MACROD2: variants seen among roughly 807,000 people sequenced by gnomAD.
MACROD2 encodes the protein ADP-ribose glycohydrolase MACROD2.
Under a neutral mutation model 70.4 loss-of-function variants are expected in MACROD2, and 36 were observed. That is an observed-to-expected ratio of 0.51 (90% CI 0.39 to 0.68). The LOEUF (loss-of-function observed/expected upper bound fraction) is 0.68. Among genes scored for constraint, MACROD2 ranks in the 30% least tolerant of loss-of-function variants. The probability of loss-of-function intolerance (pLI) is 0.00; values close to 1 mark genes in which losing one functional copy is unlikely to be tolerated. For synonymous variants in MACROD2, 172 were observed against 178.8 expected (o/e 0.96, Z 0.30); for missense variants, 496 against 538.4 (o/e 0.92, Z 0.78).
chr20:15,259,510 A>AT (rs1329038577), intron 6 of MACROD2, among the ~76,000 whole-genome samples: 1 of 151,984 alleles, frequency 6.6e-6, no homozygotes, highest in Non-Finnish European at 1.5e-5. Flanking sequence ...TGTTGTGGTG[A>AT]TGGTTTTTTT....
intron 4 of MACROD2, among the ~76,000 whole-genome samples, chr20:14,629,944 T>A (rs1474403988): frequency 8.8e-5 from 13 of 148,056 alleles, no homozygotes; most frequent in Non-Finnish European, 1.2e-4. Flanking sequence ...GATCCTATTA[T>A]GTGCTAAGGT....
At chr20:15,179,824 T>A (rs2076487991) in intron 5 of MACROD2, among the ~76,000 whole-genome samples, 1 of 152,222 alleles carries the variant, frequency 6.6e-6, no homozygotes, top group Admixed American at 6.5e-5. Flanking sequence ...ATTGGACAAT[T>A]TAAAGATTCC....
intron 3 of MACROD2, chr20:14,325,463 T>G (rs2082717823): frequency 7.6e-7 from 1 of 1,321,454 alleles, no homozygotes; most frequent in African/African-American, 1.5e-5. Context: ...TTCAGTCTCT[T>G]TTTCCAGTGT....
intron 5 of MACROD2, among the ~76,000 whole-genome samples, chr20:15,032,197 C>T (rs994557189): frequency 3.9e-5 from 6 of 152,202 alleles, no homozygotes; most frequent in African/African-American, 1.2e-4. Context: ...AGGTGGGCTT[C>T]CCAGGCCCCC....
chr20:14,400,979 A>G, intron 3 of MACROD2, among the ~76,000 whole-genome samples: 1 of 152,216 alleles, frequency 6.6e-6, no homozygotes. Flanking sequence ...TCATCATTAC[A>G]GAGATGCAGG....
chr20:14,962,944 G>C (rs1356387023), intron 5 of MACROD2, among the ~76,000 whole-genome samples: 1 of 152,152 alleles, frequency 6.6e-6, no homozygotes, highest in Non-Finnish European at 1.5e-5. Flanking sequence ...GTTGGTTGGA[G>C]AATATGCCAT....
intron 5 of MACROD2, among the ~76,000 whole-genome samples, chr20:15,144,175 CA>C (rs1429810906): frequency 6.6e-6 from 1 of 151,990 alleles, no homozygotes; most frequent in African/African-American, 2.4e-5. Context: ...AGGCTGGTCT[CA>C]AACTTCTGGG....
At chr20:14,322,826 C>T (rs531891030) in intron 3 of MACROD2, among the ~76,000 whole-genome samples, 2 of 152,140 alleles carry the variant, frequency 1.3e-5, no homozygotes, top group South Asian at 4.2e-4. Flanking sequence ...CCATGCACAT[C>T]GTGTCATTTA....
intron 5 of MACROD2, among the ~76,000 whole-genome samples, chr20:14,977,694 A>G (rs767667810): frequency 6.6e-6 from 1 of 152,152 alleles, no homozygotes; most frequent in Non-Finnish European, 1.5e-5. Context: ...ACTGTGAACA[A>G]CAATGAACAA....
intron 10 of MACROD2, among the ~76,000 whole-genome samples, chr20:15,890,642 T>C (rs1478918958): frequency 6.6e-6 from 1 of 152,196 alleles, no homozygotes; most frequent in Non-Finnish European, 1.5e-5. Flanking sequence ...TAACCTTAGA[T>C]GTGACTGACT....
At chr20:14,378,900 A>G (rs1486872578) in intron 3 of MACROD2, among the ~76,000 whole-genome samples, 1 of 152,164 alleles carries the variant, frequency 6.6e-6, no homozygotes, top group African/African-American at 2.4e-5. Context: ...TTCATTTACA[A>G]CAAATATTTT....
chr20:14,077,398 G>A (rs1461885912), intron 2 of MACROD2, among the ~76,000 whole-genome samples: 4 of 152,116 alleles, frequency 2.6e-5, no homozygotes, highest in African/African-American at 9.7e-5. Context: ...CATAAAACCT[G>A]CTAGTTTGCT....
chr20:15,536,382 G>A (rs1166296086), intron 8 of MACROD2, among the ~76,000 whole-genome samples: 1 of 152,122 alleles, frequency 6.6e-6, no homozygotes, highest in Non-Finnish European at 1.5e-5. Context: ...AAAGGAAGGT[G>A]GATTCCATTA....
At chr20:14,989,616 T>G (rs1276880940) in intron 5 of MACROD2, among the ~76,000 whole-genome samples, 1 of 152,222 alleles carries the variant, frequency 6.6e-6, no homozygotes, top group East Asian at 1.9e-4. Context: ...GGTGGAGATT[T>G]CTTGGAACTC....
At chr20:15,357,756 T>G (rs1045101846) in intron 6 of MACROD2, among the ~76,000 whole-genome samples, 1 of 151,654 alleles carries the variant, frequency 6.6e-6, no homozygotes, top group African/African-American at 2.4e-5. Flanking sequence ...AGTTGATCTA[T>G]CAAGGTAAAA....
At chr20:15,125,306 C>A (rs1318400059) in intron 5 of MACROD2, among the ~76,000 whole-genome samples, 1 of 151,942 alleles carries the variant, frequency 6.6e-6, no homozygotes, top group Non-Finnish European at 1.5e-5. Flanking sequence ...CTCTCTTCCC[C>A]AAAACAAACA....
rs574858856 is a variant in MACROD2, at chr20:15,518,868, T to C, written c.645+19021T>C. ...AAAAAAAAGTCTTGCTTTCATTCTT[T>C]TCCAGTCTGTGGCTAATTAGGAAAC... is the stretch of plus-strand genomic sequence containing the variant. On this transcript the variant is annotated intron_variant, in intron 8 of 17. Coordinates refer to ENST00000684519, the MANE Select transcript of MACROD2 (RefSeq NM_001351661.2). 2.6e-5 allele frequency among the ~76,000 whole-genome samples: 4 copies of C among 152,336 alleles called. No individual in the cohort carries two copies. In the East Asian group the frequency reaches 7.7e-4, roughly 29 times the overall value.
intron 5 of MACROD2, among the ~76,000 whole-genome samples, chr20:14,835,198 C>T (rs963877181): frequency 6.6e-6 from 1 of 151,854 alleles, no homozygotes; most frequent in African/African-American, 2.4e-5. Context: ...TTACTTGCAC[C>T]TTGGACACAT....
chr20:14,452,013 A>G (rs750671505), intron 3 of MACROD2, among the ~76,000 whole-genome samples: 29 of 152,086 alleles, frequency 1.9e-4, no homozygotes, highest in Middle Eastern at 3.2e-3. Flanking sequence ...TACCTCTTGA[A>G]GGTGACACTG....
Sources: gnomAD v4.1 joint callset for allele counts (sites outside exome capture counted in the v4.1 genomes callset) on GRCh38, gnomAD v4.1.1 for gene constraint, MANE v1.5 for transcripts, NCBI Gene and HGNC (gene_info 2026-07-23, HGNC 2026-07-21) for gene names.